Variants in MAGT1 observed in about 807,000 individuals in gnomAD.
The protein encoded by MAGT1 is magnesium transporter 1, also known as dolichyl-diphosphooligosaccharide--protein glycosyltransferase subunit MAGT1.
In MAGT1, 4 loss-of-function variants were observed where a neutral mutation model predicts 28.4. The ratio of observed to expected loss-of-function variants is 0.14; its 90% CI spans 0.07 to 0.32. The LOEUF is 0.32. MAGT1 is among the 10% of genes least tolerant of loss of function. The probability of loss-of-function intolerance (pLI) is 1.00; values close to 1 mark genes in which losing one functional copy is unlikely to be tolerated. For missense variants in MAGT1, 193 were observed against 264.5 expected, an observed-to-expected ratio of 0.73 and a Z score of 1.88; for synonymous variants, 89 against 89.7, an observed-to-expected ratio of 0.99 and a Z score of 0.04.
intron 7 of MAGT1, among the ~76,000 whole-genome samples, chrX:77,844,813 T>C (rs1172262561): frequency 2.7e-5 from 3 of 111,712 alleles, no homozygotes; most frequent in Non-Finnish European, 3.8e-5. Context: ...GAGAGACAGT[T>C]TGTTATAATT....
chrX:77,856,004 G>A (rs1197086558), intron 5 of MAGT1, among the ~76,000 whole-genome samples: 2 of 110,638 alleles, frequency 1.8e-5, no homozygotes, highest in East Asian at 2.8e-4. Flanking sequence ...TCTTGACCTC[G>A]TCATCTGCCC....
At chrX:77,857,264 T>C in intron 4 of MAGT1, 93 bp downstream of exon 4, 2 of 1,074,696 alleles carry the variant, frequency 1.9e-6, no homozygotes. Context: ...TAGTACCACC[T>C]CAGTGATATG....
At chrX:77,830,341 C>T (rs956269686) in intron 9 of MAGT1, among the ~76,000 whole-genome samples, 2 of 111,565 alleles carry the variant, frequency 1.8e-5, no homozygotes, top group African/African-American at 3.3e-5. Flanking sequence ...ATGAATAGGC[C>T]GGGCTCAGTG....
intron 7 of MAGT1, among the ~76,000 whole-genome samples, chrX:77,848,247 T>C (rs1024023464): frequency 1.8e-5 from 2 of 112,436 alleles, no homozygotes; most frequent in East Asian, 2.8e-4. Context: ...TAGTGAGGAA[T>C]ACAAACAATG....
chrX:77,878,120 A>G (rs2077040851), intron 1 of MAGT1, among the ~76,000 whole-genome samples: 1 of 80,564 alleles, frequency 1.2e-5, no homozygotes, highest in Admixed American at 1.3e-4. Context: ...CATCTCTACT[A>G]AAAAAAAAAA....
At chrX:77,864,955 C>T (rs1172480600) in intron 3 of MAGT1, among the ~76,000 whole-genome samples, 2 of 112,031 alleles carry the variant, frequency 1.8e-5, no homozygotes, top group African/African-American at 6.5e-5. Context: ...GAAGTGATCC[C>T]CACGCCTTGG....
At chrX:77,851,995 T>C (rs1296650791) in intron 7 of MAGT1, among the ~76,000 whole-genome samples, 1 of 105,237 alleles carries the variant, frequency 9.5e-6, no homozygotes, top group East Asian at 3.1e-4. Context: ...GCCTCCTGGG[T>C]TCAAGAGATT....
At chrX:77,847,382 G>A (rs1325273229) in intron 7 of MAGT1, among the ~76,000 whole-genome samples, 3 of 112,180 alleles carry the variant, frequency 2.7e-5, no homozygotes, top group Admixed American at 1.9e-4. Flanking sequence ...TGCGCTTCCC[G>A]GGTGGGGCGA....
Position 77,834,245 on chromosome X carries a change from CAT to C in MAGT1, c.902-3352_902-3351del, listed in dbSNP as rs1196099079. ...ATATATGCATATATGTATATATATG[CAT>C]ATATATACATGTGTGTATATATGCA... On this transcript the variant is annotated intron_variant, in intron 8 of 9. Coordinates refer to ENST00000618282, the MANE Select transcript of MAGT1 (RefSeq NM_001367916.1). 2.0e-4 allele frequency among the ~76,000 whole-genome samples: 12 copies of C among 60,307 alleles called. 1 individual carries two copies. The highest frequency in any genetic ancestry group is 1.6e-3 in the Admixed American group (7 of 4,513). 52.4% of individuals were successfully genotyped at this position (60,307 alleles called of 115,157 possible). A position where few individuals can be genotyped will look rare whatever the true frequency, so the allele number is the denominator to read the frequency against.
intron 7 of MAGT1, among the ~76,000 whole-genome samples, chrX:77,844,996 C>G (rs1391843414): frequency 4.5e-5 from 5 of 110,735 alleles, no homozygotes; most frequent in African/African-American, 1.6e-4. Context: ...TCCTGGATAT[C>G]CTTGTTAACC....
chrX:77,862,896 G>A (rs1245142412), intron 3 of MAGT1, among the ~76,000 whole-genome samples: 2 of 111,674 alleles, frequency 1.8e-5, no homozygotes, highest in African/African-American at 6.5e-5. Context: ...GCCAGGCACG[G>A]TGGCTCATTC....
intron 3 of MAGT1, among the ~76,000 whole-genome samples, chrX:77,857,702 C>T (rs1392587775): frequency 1.8e-5 from 2 of 111,548 alleles, no homozygotes; most frequent in Non-Finnish European, 3.8e-5. Flanking sequence ...TTACATACTA[C>T]TCACCAAATA....
chrX:77,879,173 C>T (rs1021394465), intron 1 of MAGT1, among the ~76,000 whole-genome samples: 14 of 81,318 alleles, frequency 1.7e-4, no homozygotes, highest in Non-Finnish European at 3.4e-4. Flanking sequence ...TCTCCTGCCT[C>T]AGCCTCCCAA....
At position 77,829,177 on chromosome X, in the gene MAGT1, T is replaced by C; in HGVS notation, c.*43A>G. 1 of 1,165,078 alleles carries C rather than the reference T, an allele frequency of 8.6e-7. No individual in the cohort carries two copies. Among genetic ancestry groups the C allele is most frequent in the Non-Finnish European group, 1.2e-6 (1 of 854,631 alleles). The stretch of plus-strand genomic sequence containing the variant: ...TTCAAACACACACGATTTTCGTTTT[T>C]CAATTTCCAGTACTCCAGTGTCTAT... On this transcript the variant is annotated 3_prime_UTR_variant, in exon 10 of 10. Coordinates refer to ENST00000618282, the MANE Select transcript of MAGT1 (RefSeq NM_001367916.1).
At chrX:77,854,059 T>A in intron 6 of MAGT1, 95 bp from the exon 7 acceptor site, 2 of 652,108 alleles carry the variant, frequency 3.1e-6, no homozygotes, top group Non-Finnish European at 5.1e-6. Flanking sequence ...ATGAAATTAT[T>A]AATTCACCTG....
At chrX:77,838,880 C>T (rs782529139) in intron 8 of MAGT1, among the ~76,000 whole-genome samples, 1 of 110,189 alleles carries the variant, frequency 9.1e-6, no homozygotes, top group Non-Finnish European at 1.9e-5. Context: ...GACTAGTAAA[C>T]ATTTAGGAAA....
chrX:77,877,778 G>T (rs1463265898), intron 1 of MAGT1, among the ~76,000 whole-genome samples: 1 of 105,109 alleles, frequency 9.5e-6, no homozygotes, highest in African/African-American at 3.5e-5. Context: ...ACGCCACTGC[G>T]CTCCAACGTG....
chrX:77,835,740 A>G (rs2076915554), intron 8 of MAGT1, among the ~76,000 whole-genome samples: 2 of 111,636 alleles, frequency 1.8e-5, no homozygotes, highest in African/African-American at 6.5e-5. Flanking sequence ...CATATATACA[A>G]TGGAGTACTA....
intron 1 of MAGT1, among the ~76,000 whole-genome samples, chrX:77,876,164 A>ATATTTTT (rs1557217807): frequency 4.0e-5 from 1 of 24,973 alleles, no homozygotes; most frequent in Non-Finnish European, 6.7e-5. Context: ...ATATATATAT[A>ATATTTTT]TTTTTTTTTT....
Sources: allele counts gnomAD v4.1 joint callset (sites outside exome capture counted in the v4.1 genomes callset), GRCh38; gene constraint gnomAD v4.1.1; transcripts MANE v1.5; gene names NCBI Gene and HGNC (gene_info 2026-07-23, HGNC 2026-07-21).